The following PTCSC3 variants were observed in gnomAD, a reference collection of about 807,000 sequenced individuals.
PTCSC3 encodes papillary thyroid carcinoma susceptibility candidate 3.
exon 4 of PTCSC3, chr14:36,136,129 T>C (rs1881282618): frequency 3.3e-5 from 5 of 152,184 alleles, no homozygotes; most frequent in Admixed American, 3.3e-4. Context: ...AATGTTTTCA[T>C]GTTTTTCTGC....
chr14:36,153,842 T>C (rs190846950), exon 3 of PTCSC3: 37 of 152,292 alleles, frequency 2.4e-4, no homozygotes, highest in Admixed American at 2.0e-3. Flanking sequence ...GGTGGGAAGA[T>C]TGTTCAAGCC....
intron 3 of PTCSC3, among the ~76,000 whole-genome samples, chr14:36,151,108 G>A (rs751755549): frequency 6.6e-6 from 1 of 151,950 alleles, no homozygotes; most frequent in Non-Finnish European, 1.5e-5. Flanking sequence ...GTATGAAAAA[G>A]CCTTTATAAT....
At chr14:36,148,164 G>T (rs1157450077) in intron 3 of PTCSC3, among the ~76,000 whole-genome samples, 2 of 151,984 alleles carry the variant, frequency 1.3e-5, no homozygotes, top group African/African-American at 4.9e-5. Context: ...AGGCAGGCAG[G>T]CCTCCTTGAG....
intron 3 of PTCSC3, among the ~76,000 whole-genome samples, chr14:36,147,850 T>A (rs1008627833): frequency 1.3e-5 from 2 of 151,948 alleles, no homozygotes; most frequent in African/African-American, 4.8e-5. Context: ...GGTGTGGAAG[T>A]CCTTTCTGTT....
intron 3 of PTCSC3, among the ~76,000 whole-genome samples, chr14:36,148,531 G>A (rs1212104292): frequency 6.6e-6 from 1 of 152,240 alleles, no homozygotes; most frequent in Non-Finnish European, 1.5e-5. Context: ...CTAGCGTGCA[G>A]TGTGTGCACC....
chr14:36,156,443 C>A (rs935235726), intron 2 of PTCSC3, among the ~76,000 whole-genome samples: 2 of 149,936 alleles, frequency 1.3e-5, no homozygotes, highest in African/African-American at 4.9e-5. Context: ...TCATTCATTC[C>A]TTTTTCTTTT....
At chr14:36,147,637 C>T (rs1881610594) in intron 3 of PTCSC3, among the ~76,000 whole-genome samples, 6 of 151,810 alleles carry the variant, frequency 4.0e-5, no homozygotes, top group Admixed American at 3.3e-4. Flanking sequence ...GTAATTTGAT[C>T]GTCTGAAGCC....
At chr14:36,154,777 C>G (rs72674615) in intron 2 of PTCSC3, among the ~76,000 whole-genome samples, 1 of 152,076 alleles carries the variant, frequency 6.6e-6, no homozygotes, top group Non-Finnish European at 1.5e-5. Flanking sequence ...CAGTTTTAAA[C>G]ATGTTAGGAT....
rs372310631 is a variant in PTCSC3 at position 36,170,935 on chromosome 14, C to T, written n.171+5363G>A. On this transcript the variant is annotated intron_variant and non_coding_transcript_variant, in intron 1 of 3. Transcript: ENST00000556013. The stretch of plus-strand genomic sequence containing the variant: ...GCCTACTAGGTTAGTTTGAAAAAAG[C>T]GATTTAACCTTGTATGTAGTTAAAA... Among the ~76,000 whole-genome samples the T allele has an allele frequency of 2.0e-4, 31 of 152,048 alleles. 1 individual carries two copies. Among genetic ancestry groups the T allele is most frequent in the African/African-American group, 7.5e-4 (31 of 41,394 alleles).
intron 3 of PTCSC3, among the ~76,000 whole-genome samples, chr14:36,136,899 T>A (rs764698177): frequency 3.9e-5 from 6 of 152,226 alleles, no homozygotes; most frequent in Non-Finnish European, 5.9e-5. Flanking sequence ...CAACAAATAC[T>A]TAATGAGCAC....
chr14:36,150,878 TTGA>T (rs765235287), intron 3 of PTCSC3, among the ~76,000 whole-genome samples: 49 of 152,328 alleles, frequency 3.2e-4, no homozygotes, highest in Non-Finnish European at 5.7e-4. Context: ...ATATATGTTG[TTGA>T]TATTATTTTG....
chr14:36,135,155 C>T (rs576352370), downstream of PTCSC3, among the ~76,000 whole-genome samples: 2 of 152,136 alleles, frequency 1.3e-5, no homozygotes, highest in Non-Finnish European at 2.9e-5. Context: ...GAAAACGTAT[C>T]AAGAAAGAAA....
intron 1 of PTCSC3, among the ~76,000 whole-genome samples, chr14:36,171,395 G>A (rs1169151): frequency 0.45 from 68,861 of 151,936 alleles, 17,774 homozygotes; most frequent in Non-Finnish European, 0.58. Flanking sequence ...TAATTGAGGC[G>A]ATATTTGTGA....
chr14:36,140,328 C>G (rs995595754), intron 3 of PTCSC3, among the ~76,000 whole-genome samples: 1 of 152,074 alleles, frequency 6.6e-6, no homozygotes, highest in African/African-American at 2.4e-5. Context: ...GCCATAATAC[C>G]AAAACACATT....
intron 1 of PTCSC3, among the ~76,000 whole-genome samples, chr14:36,166,156 G>A (rs372337157): frequency 7.2e-5 from 11 of 152,208 alleles, no homozygotes; most frequent in African/African-American, 2.4e-4. Flanking sequence ...CCATCCACCC[G>A]ATGGCTATTG....
chr14:36,171,495 GTTC>G (rs1213149628), intron 1 of PTCSC3, among the ~76,000 whole-genome samples: 6 of 152,110 alleles, frequency 3.9e-5, no homozygotes, highest in Non-Finnish European at 7.4e-5. Flanking sequence ...CATCATTATT[GTTC>G]TTCTCACTCC....
intron 3 of PTCSC3, among the ~76,000 whole-genome samples, chr14:36,148,450 C>G (rs1881642919): frequency 6.6e-6 from 1 of 152,204 alleles, no homozygotes; most frequent in Non-Finnish European, 1.5e-5. Flanking sequence ...TCACCCCTTT[C>G]TTTGACTCGG....
At chr14:36,160,037 G>A (rs920955489) in intron 2 of PTCSC3, among the ~76,000 whole-genome samples, 11 of 152,116 alleles carry the variant, frequency 7.2e-5, no homozygotes, top group African/African-American at 1.4e-4. Flanking sequence ...TCAGAGACTA[G>A]GATTGCAAGC....
intron 1 of PTCSC3, among the ~76,000 whole-genome samples, chr14:36,175,488 A>G (rs1490077459): frequency 1.3e-5 from 2 of 152,244 alleles, no homozygotes; most frequent in African/African-American, 2.4e-5. Flanking sequence ...TAAGAACCAC[A>G]GCACTTTCTA....
Sources: allele counts gnomAD v4.1 joint callset (sites outside exome capture counted in the v4.1 genomes callset), GRCh38; gene constraint gnomAD v4.1.1; transcripts MANE v1.5; gene names NCBI Gene and HGNC (gene_info 2026-07-23, HGNC 2026-07-21).